EYA1: variants seen among roughly 807,000 people sequenced by gnomAD.
The protein encoded by EYA1 is EYA transcriptional coactivator and phosphatase 1.
In EYA1, 16 loss-of-function variants were observed where a neutral mutation model predicts 82.0. The observed-to-expected ratio is 0.20, with a 90% confidence interval of 0.13 to 0.30. EYA1 has a LOEUF of 0.30. EYA1 is among the 10% of genes least tolerant of loss of function. The probability of loss-of-function intolerance (pLI) is 1.00; values close to 1 mark genes in which losing one functional copy is unlikely to be tolerated. For missense variants in EYA1, 633 were observed against 730.7 expected, an observed-to-expected ratio of 0.87 and a Z score of 1.54; for synonymous variants, 261 against 264.4, an observed-to-expected ratio of 0.99 and a Z score of 0.12.
At chr8:71,228,326 T>G (rs1810799259) in intron 12 of EYA1, among the ~76,000 whole-genome samples, 1 of 152,176 alleles carries the variant, frequency 6.6e-6, no homozygotes, top group Non-Finnish European at 1.5e-5. Flanking sequence ...GTGAACTATT[T>G]AAGCTCCATT....
intron 2 of EYA1, among the ~76,000 whole-genome samples, chr8:71,516,635 G>A (rs1483950062): frequency 2.0e-5 from 3 of 152,148 alleles, no homozygotes; most frequent in Admixed American, 1.3e-4. Context: ...TTAGTGTGTT[G>A]GCCATTGCCT....
intron 4 of EYA1, among the ~76,000 whole-genome samples, chr8:71,333,169 A>G (rs1251888095): frequency 1.3e-5 from 2 of 152,220 alleles, no homozygotes; most frequent in Admixed American, 6.5e-5. Flanking sequence ...TCAAATTCTA[A>G]TAAATGTTTT....
At position 71,215,389 on chromosome 8, in the gene EYA1, A is replaced by G; in HGVS notation, c.1595T>C (p.Ile532Thr). ...PIENIYSATK[I>T]GKESCFERII... ...AAAAGAAAAGAAAAGCAGCTCACCTATTTTAGTTGCACTGTAAATATTTTC... is the reference window on the plus strand; with the variant it reads ...AAAAGAAAAGAAAAGCAGCTCACCTGTTTTAGTTGCACTGTAAATATTTTC... Residue 532 changes from isoleucine to threonine, a missense_variant and splice_region_variant, in exon 16 of 18, where the codon ATA becomes ACA. Physicochemically the swap from Ile to Thr is moderately conservative, Grantham distance 89. Coordinates refer to ENST00000340726, the MANE Select transcript of EYA1 (RefSeq NM_000503.6). 1.2e-6 allele frequency: 2 copies of G among 1,612,704 alleles called. No homozygotes were observed. Among genetic ancestry groups the G allele is most frequent in the Non-Finnish European group, 1.7e-6 (2 of 1,178,926 alleles).
At chr8:71,375,651 A>C (rs533261332) in intron 2 of EYA1, among the ~76,000 whole-genome samples, 1 of 152,244 alleles carries the variant, frequency 6.6e-6, no homozygotes, top group African/African-American at 2.4e-5. Context: ...TTTTTGAGAC[A>C]GAGTTTTGTT....
intron 3 of EYA1, among the ~76,000 whole-genome samples, chr8:71,346,395 C>T (rs1039442901): frequency 2.0e-5 from 3 of 147,986 alleles, no homozygotes; most frequent in Admixed American, 6.8e-5. Context: ...CACATACACA[C>T]ACACACATAC....
chr8:71,354,164 GAAAT>G (rs1307231628), intron 3 of EYA1, among the ~76,000 whole-genome samples: 2 of 151,946 alleles, frequency 1.3e-5, no homozygotes, highest in African/African-American at 2.4e-5. Flanking sequence ...TAATTACACA[GAAAT>G]AATTGTAATT....
intron 12 of EYA1, among the ~76,000 whole-genome samples, chr8:71,239,955 C>T (rs112816987): frequency 2.6e-5 from 4 of 152,218 alleles, no homozygotes; most frequent in African/African-American, 9.6e-5. Context: ...TACTTGAAAT[C>T]GAAGTTTCTT....
intron 11 of EYA1, among the ~76,000 whole-genome samples, chr8:71,256,815 C>T (rs1187091221): frequency 5.9e-5 from 9 of 152,170 alleles, no homozygotes; most frequent in East Asian, 1.9e-4. Flanking sequence ...GCCTGACCAA[C>T]GTGGTGAAAC....
chr8:71,489,677 G>A (rs1038813941), intron 2 of EYA1, among the ~76,000 whole-genome samples: 3 of 152,202 alleles, frequency 2.0e-5, no homozygotes, highest in Non-Finnish European at 4.4e-5. Context: ...AGAACATGTG[G>A]TACAGAACAT....
At chr8:71,358,149 T>C (rs1164724805) in intron 1 of EYA1, among the ~76,000 whole-genome samples, 3 of 152,320 alleles carry the variant, frequency 2.0e-5, no homozygotes, top group African/African-American at 7.2e-5. Flanking sequence ...GTTGGAAATA[T>C]AATTTTAGTT....
intron 2 of EYA1, among the ~76,000 whole-genome samples, chr8:71,384,057 CTACAAT>C (rs1451979247): frequency 1.3e-5 from 2 of 151,632 alleles, no homozygotes; most frequent in Non-Finnish European, 2.9e-5. Context: ...GAGAGAGCAA[CTACAAT>C]TTTAAGTGTC....
chr8:71,255,248 A>G (rs1053536168), intron 11 of EYA1, among the ~76,000 whole-genome samples: 5 of 152,208 alleles, frequency 3.3e-5, no homozygotes, highest in African/African-American at 1.2e-4. Flanking sequence ...AGAAAACTCC[A>G]TTTTGAAGTT....
At chr8:71,454,416 C>T (rs893074106) in intron 2 of EYA1, among the ~76,000 whole-genome samples, 20 of 152,132 alleles carry the variant, frequency 1.3e-4, no homozygotes, top group Non-Finnish European at 2.2e-4. Context: ...CTGCACCAAG[C>T]GGACTTAATA....
intron 2 of EYA1, among the ~76,000 whole-genome samples, chr8:71,395,594 T>G (rs919739016): frequency 1.1e-4 from 17 of 152,202 alleles, no homozygotes; most frequent in South Asian, 4.1e-4. Flanking sequence ...TGGATTACAT[T>G]TCTTGATTTG....
intron 12 of EYA1, among the ~76,000 whole-genome samples, chr8:71,241,648 T>C (rs991210837): frequency 6.6e-5 from 10 of 152,184 alleles, no homozygotes; most frequent in Non-Finnish European, 1.2e-4. Context: ...AAATTACTTA[T>C]GCTATAGACC....
At chr8:71,238,377 C>T (rs1812093762) in intron 12 of EYA1, among the ~76,000 whole-genome samples, 2 of 152,132 alleles carry the variant, frequency 1.3e-5, no homozygotes, top group South Asian at 4.1e-4. Context: ...CATGTTTTGT[C>T]AAAAATTGCT....
At chr8:71,308,178 G>A (rs1026698852) in intron 7 of EYA1, among the ~76,000 whole-genome samples, 23 of 152,100 alleles carry the variant, frequency 1.5e-4, no homozygotes, top group Admixed American at 3.3e-4. Flanking sequence ...AATCGGTAAT[G>A]TTGAAAGCAA....
chr8:71,396,952 C>A (rs1271056623), intron 2 of EYA1, among the ~76,000 whole-genome samples: 2 of 152,144 alleles, frequency 1.3e-5, no homozygotes, highest in Middle Eastern at 3.2e-3. Context: ...TAAGGACTTG[C>A]TTTATGAATC....
At chr8:71,331,644 C>T (rs948179969) in intron 4 of EYA1, among the ~76,000 whole-genome samples, 9 of 151,930 alleles carry the variant, frequency 5.9e-5, no homozygotes, top group African/African-American at 1.9e-4. Context: ...ATACAGATGC[C>T]TTTTTAAGAA....
Sources: allele counts gnomAD v4.1 joint callset (sites outside exome capture counted in the v4.1 genomes callset), GRCh38; gene constraint gnomAD v4.1.1; transcripts MANE v1.5; gene names NCBI Gene and HGNC (gene_info 2026-07-23, HGNC 2026-07-21).